The following TMPRSS12 variants were observed in gnomAD, a reference collection of about 807,000 sequenced individuals.
TMPRSS12 encodes transmembrane serine protease 12, also known as transmembrane protease serine 12.
TMPRSS12 carries 25 observed loss-of-function variants against 26.0 expected under a neutral mutation model. That is an observed-to-expected ratio of 0.96 (90% CI 0.70 to 1.34). The LOEUF (loss-of-function observed/expected upper bound fraction) is 1.34. Ranked by LOEUF, TMPRSS12 falls within the 40% of genes most tolerant of loss-of-function variation. TMPRSS12 has a pLI of 0.00. For synonymous variants in TMPRSS12, 150 were observed against 161.7 expected (o/e 0.93, Z 0.55); for missense variants, 441 against 440.1 (o/e 1.00, Z -0.02).
rs760722345 is a variant in TMPRSS12, at chr12:50,859,021, T to C, written c.620T>C (p.Phe207Ser). 1 of 1,600,162 alleles carries C rather than the reference T, an allele frequency of 6.2e-7. No homozygotes were observed. Among genetic ancestry groups the C allele is most frequent in the Admixed American group, 1.8e-5 (1 of 56,854 alleles). ...ATCCTGGACGGAAACACAAAGTGTTTTATAAGTGGCTGGGGAAGAACAAAA... is the reference window on the plus strand; with the variant it reads ...ATCCTGGACGGAAACACAAAGTGTTCTATAAGTGGCTGGGGAAGAACAAAA... ...FQILDGNTKC[F>S]ISGWGRTKEE... The change falls in exon 3 of 5, where the codon TTT (phenylalanine) becomes TCT (serine). Residue 207 changes from phenylalanine to serine, a missense_variant. By Grantham distance (155) the Phe-to-Ser change is radical (BLOSUM62 -2). Transcript: ENST00000398458.
chr12:50,848,609 G>T (rs1445686515), intron 2 of TMPRSS12, among the ~76,000 whole-genome samples: 1 of 152,100 alleles, frequency 6.6e-6, no homozygotes, highest in African/African-American at 2.4e-5. Context: ...TTCAGTTTCA[G>T]CTCCTATTGC....
chr12:50,863,938 T>A lies in TMPRSS12; in HGVS notation c.652+4885T>A, dbSNP rs556889186. On this transcript the variant is annotated intron_variant, in intron 3 of 4. Coordinates refer to ENST00000398458, the MANE Select transcript of TMPRSS12 (RefSeq NM_182559.3). Reference sequence around the variant, plus strand: ...AAACTGCATAAAATGTACACTTGACTTTTTAGTGCTATCTTTGCAACTACC... The same window carrying A: ...AAACTGCATAAAATGTACACTTGACATTTTAGTGCTATCTTTGCAACTACC... 3.9e-5 allele frequency among the ~76,000 whole-genome samples: 6 copies of A among 152,334 alleles called. No homozygotes were observed. In the South Asian group the frequency reaches 1.2e-3, roughly 32 times the overall value.
At chr12:50,853,078 C>A (rs1937841622) in intron 2 of TMPRSS12, among the ~76,000 whole-genome samples, 1 of 152,140 alleles carries the variant, frequency 6.6e-6, no homozygotes, top group Non-Finnish European at 1.5e-5. Context: ...CACACTCAGC[C>A]ATAAGACAAT....
intron 4 of TMPRSS12, 51 bp from the exon 5 acceptor site, chr12:50,887,211 G>A (rs1446674189): frequency 1.3e-6 from 2 of 1,561,372 alleles, no homozygotes; most frequent in Admixed American, 3.8e-5. Context: ...TGTTACTGTT[G>A]CTTGAAGAAT....
chr12:50,843,222 C>T (rs1592214960), intron 1 of TMPRSS12, 71 bp downstream of exon 1: 1 of 1,415,614 alleles, frequency 7.1e-7, no homozygotes, highest in Non-Finnish European at 9.3e-7. Context: ...TCTTTGAATT[C>T]GGGTTTCTCC....
chr12:50,871,840 C>G (rs1262553659), intron 3 of TMPRSS12, among the ~76,000 whole-genome samples: 1 of 151,882 alleles, frequency 6.6e-6, no homozygotes, highest in Non-Finnish European at 1.5e-5. Context: ...AAAAAATGCT[C>G]AACATCACTA....
chr12:50,849,066 G>A (rs1937800454), intron 2 of TMPRSS12, among the ~76,000 whole-genome samples: 1 of 152,084 alleles, frequency 6.6e-6, no homozygotes, highest in South Asian at 2.1e-4. Context: ...TTGCTATATT[G>A]CCCAGGCTGG....
chr12:50,864,772 C>G (rs1937974630), intron 3 of TMPRSS12, among the ~76,000 whole-genome samples: 1 of 152,092 alleles, frequency 6.6e-6, no homozygotes, highest in South Asian at 2.1e-4. Flanking sequence ...ATTCTCCTGC[C>G]TCAGCCTCCT....
At chr12:50,866,144 C>T (rs776222186) in intron 3 of TMPRSS12, among the ~76,000 whole-genome samples, 14 of 152,178 alleles carry the variant, frequency 9.2e-5, no homozygotes, top group South Asian at 2.1e-4. Flanking sequence ...AATCGAGAAT[C>T]CCAAGACAAC....
At position 50,844,599 on chromosome 12, in the gene TMPRSS12, T is replaced by C. The variant is rs562711341; in HGVS notation, c.383+562T>C. On this transcript the variant is annotated intron_variant, in intron 2 of 4. Coordinates refer to ENST00000398458, the MANE Select transcript of TMPRSS12 (RefSeq NM_182559.3). ...CATGTTGGCCAGGCTGGTCTTGAACTCTTAACCTCACGTGATCTGCCCGCC... is the reference window on the plus strand; with the variant it reads ...CATGTTGGCCAGGCTGGTCTTGAACCCTTAACCTCACGTGATCTGCCCGCC... 2.0e-3 allele frequency among the ~76,000 whole-genome samples: 300 copies of C among 152,218 alleles called. 2 individuals carry two copies. The highest frequency in any genetic ancestry group is 6.5e-3 in the African/African-American group (270 of 41,542).
chr12:50,858,698 A>G, intron 2 of TMPRSS12, 87 bp from the exon 3 acceptor site: 1 of 1,071,488 alleles, frequency 9.3e-7, no homozygotes, highest in Non-Finnish European at 1.3e-6. Flanking sequence ...TTATTAATCT[A>G]ACATGAGAAG....
At chr12:50,869,944 A>G (rs1042479022) in intron 3 of TMPRSS12, among the ~76,000 whole-genome samples, 1 of 152,146 alleles carries the variant, frequency 6.6e-6, no homozygotes, top group East Asian at 1.9e-4. Context: ...TTAGCTGGGC[A>G]TGGTTGCAGG....
intron 4 of TMPRSS12, chr12:50,886,404 C>T (rs1222655080): frequency 6.6e-6 from 1 of 152,068 alleles, no homozygotes; most frequent in African/African-American, 2.4e-5. Flanking sequence ...TCCTTCACTC[C>T]TGAGTAACCC....
intron 3 of TMPRSS12, among the ~76,000 whole-genome samples, chr12:50,874,092 T>C (rs1201729124): frequency 7.2e-6 from 1 of 138,616 alleles, no homozygotes; most frequent in African/African-American, 2.7e-5. Context: ...TAATTTAAAG[T>C]CTTCCCATTT....
intron 2 of TMPRSS12, among the ~76,000 whole-genome samples, chr12:50,855,965 G>A (rs1370470026): frequency 6.6e-6 from 1 of 152,102 alleles, no homozygotes; most frequent in South Asian, 2.1e-4. Context: ...ACAGAAAACC[G>A]AATATTACAT....
intron 2 of TMPRSS12, among the ~76,000 whole-genome samples, chr12:50,845,935 C>T (rs1937762705): frequency 6.6e-6 from 1 of 152,124 alleles, no homozygotes; most frequent in Non-Finnish European, 1.5e-5. Flanking sequence ...TGTATATCTT[C>T]TTTGGAGGAA....
At chr12:50,861,126 C>T (rs1463120286) in intron 3 of TMPRSS12, among the ~76,000 whole-genome samples, 5 of 152,166 alleles carry the variant, frequency 3.3e-5, no homozygotes, top group African/African-American at 1.2e-4. Flanking sequence ...CCCCATTTAA[C>T]AGACCAGTAA....
At chr12:50,856,444 G>T (rs942805633) in intron 2 of TMPRSS12, among the ~76,000 whole-genome samples, 4 of 152,104 alleles carry the variant, frequency 2.6e-5, no homozygotes, top group African/African-American at 9.7e-5. Flanking sequence ...AACAAAGCAA[G>T]AATGGCCAAA....
At chr12:50,866,382 C>T (rs1036060364) in intron 3 of TMPRSS12, among the ~76,000 whole-genome samples, 3 of 152,072 alleles carry the variant, frequency 2.0e-5, no homozygotes, top group Non-Finnish European at 4.4e-5. Flanking sequence ...CCCTGACAAC[C>T]TGCATGACTC....
Sources: allele counts gnomAD v4.1 joint callset (sites outside exome capture counted in the v4.1 genomes callset), GRCh38; gene constraint gnomAD v4.1.1; transcripts MANE v1.5; gene names NCBI Gene and HGNC (gene_info 2026-07-23, HGNC 2026-07-21).